Variants in SLC35F3 observed in about 807,000 individuals in gnomAD.
SLC35F3 encodes putative thiamine transporter SLC35F3.
Under a neutral mutation model 49.9 loss-of-function variants are expected in SLC35F3, and 25 were observed. That is an observed-to-expected ratio of 0.50 (90% CI 0.37 to 0.70). The LOEUF (loss-of-function observed/expected upper bound fraction) is 0.70, where lower values mean the gene tolerates loss of function less well. Ranked by LOEUF, SLC35F3 falls within the 30% of genes least tolerant of loss-of-function variation. The probability of loss-of-function intolerance (pLI) is 0.00; values close to 1 mark genes in which losing one functional copy is unlikely to be tolerated. For synonymous variants in SLC35F3, 275 were observed against 265.4 expected, an observed-to-expected ratio of 1.04 and a Z score of -0.35; for missense variants, 525 against 639.8, an observed-to-expected ratio of 0.82 and a Z score of 1.94.
chr1:234,203,302 A>G (rs1399449718), intron 2 of SLC35F3, among the ~76,000 whole-genome samples: 1 of 152,254 alleles, frequency 6.6e-6, no homozygotes, highest in Non-Finnish European at 1.5e-5. Flanking sequence ...AAAAGTGAAA[A>G]GTTTCCTTCT....
At chr1:233,994,232 T>C (rs1663420929) in intron 2 of SLC35F3, among the ~76,000 whole-genome samples, 1 of 152,232 alleles carries the variant, frequency 6.6e-6, no homozygotes, top group Non-Finnish European at 1.5e-5. Context: ...TACTATGGAC[T>C]AGGTAGGATC....
intron 2 of SLC35F3, among the ~76,000 whole-genome samples, chr1:233,931,731 G>A (rs1662245542): frequency 6.6e-6 from 1 of 152,200 alleles, no homozygotes; most frequent in African/African-American, 2.4e-5. Flanking sequence ...GGAAGACAGT[G>A]TGGCAATTCC....
chr1:233,949,404 T>G (rs762744610), intron 2 of SLC35F3, among the ~76,000 whole-genome samples: 38 of 152,240 alleles, frequency 2.5e-4, no homozygotes, highest in Middle Eastern at 3.4e-3. Context: ...TAGTATTCCA[T>G]GAGTGTAATG....
intron 2 of SLC35F3, among the ~76,000 whole-genome samples, chr1:234,060,188 T>G (rs1664519641): frequency 6.6e-6 from 1 of 152,234 alleles, no homozygotes; most frequent in Non-Finnish European, 1.5e-5. Flanking sequence ...TTGTGTGCAC[T>G]TGAGAACAAA....
intron 2 of SLC35F3, among the ~76,000 whole-genome samples, chr1:234,134,825 C>G (rs1665786368): frequency 6.6e-6 from 1 of 152,132 alleles, no homozygotes; most frequent in Non-Finnish European, 1.5e-5. Context: ...AGGTTCACGC[C>G]ATTCTCCTGC....
intron 2 of SLC35F3, among the ~76,000 whole-genome samples, chr1:234,028,882 G>A (rs746958700): frequency 2.0e-5 from 3 of 152,114 alleles, no homozygotes; most frequent in Non-Finnish European, 4.4e-5. Flanking sequence ...GTGATGGTTT[G>A]GACAAGCTGC....
At chr1:234,211,398 C>G (rs939078166) in intron 2 of SLC35F3, among the ~76,000 whole-genome samples, 1 of 152,178 alleles carries the variant, frequency 6.6e-6, no homozygotes, top group Non-Finnish European at 1.5e-5. Context: ...CACTCTGTGC[C>G]TGGAAAAGCC....
chr1:234,241,044 A>G (rs536078900), intron 3 of SLC35F3, among the ~76,000 whole-genome samples: 27 of 152,368 alleles, frequency 1.8e-4, no homozygotes, highest in Admixed American at 7.2e-4. Context: ...TCTAAAGCTT[A>G]AAAGCAAAAA....
chr1:234,228,267 T>A (rs1174484978), intron 2 of SLC35F3, among the ~76,000 whole-genome samples: 2 of 152,200 alleles, frequency 1.3e-5, no homozygotes, highest in African/African-American at 4.8e-5. Context: ...TTTACTTACT[T>A]TTATGTTCTA....
At chr1:233,985,313 T>C (rs770521619) in intron 2 of SLC35F3, among the ~76,000 whole-genome samples, 11 of 152,236 alleles carry the variant, frequency 7.2e-5, no homozygotes, top group Non-Finnish European at 1.6e-4. Context: ...GCAAAACTTG[T>C]CATGTAGCTT....
intron 2 of SLC35F3, among the ~76,000 whole-genome samples, chr1:233,936,345 T>A (rs1446386435): frequency 6.6e-6 from 1 of 152,226 alleles, no homozygotes; most frequent in Non-Finnish European, 1.5e-5. Flanking sequence ...AAACTTTTAC[T>A]GGATAAGTTT....
chr1:234,175,662 CAAA>C (rs35257762), intron 2 of SLC35F3, among the ~76,000 whole-genome samples: 7 of 98,690 alleles, frequency 7.1e-5, no homozygotes, highest in Non-Finnish European at 7.8e-5. Flanking sequence ...GACCCTGTCT[CAAA>C]AAAAAAAAAA....
intron 2 of SLC35F3, among the ~76,000 whole-genome samples, chr1:234,121,650 G>A (rs1665575632): frequency 6.6e-6 from 1 of 151,884 alleles, no homozygotes; most frequent in African/African-American, 2.4e-5. Flanking sequence ...TGCCATGTTG[G>A]TTTGCTGCAC....
intron 2 of SLC35F3, among the ~76,000 whole-genome samples, chr1:234,188,872 C>G (rs1186032100): frequency 6.6e-6 from 1 of 152,176 alleles, no homozygotes; most frequent in East Asian, 1.9e-4. Flanking sequence ...GTTTATATCA[C>G]AGGACTCTAT....
intron 2 of SLC35F3, among the ~76,000 whole-genome samples, chr1:234,173,551 C>T (rs959343666): frequency 1.3e-5 from 2 of 152,152 alleles, no homozygotes; most frequent in African/African-American, 2.4e-5. Flanking sequence ...CCTCTGGGGT[C>T]ACAGGTTGGA....
chr1:234,056,652 C>T (rs962381657), intron 2 of SLC35F3, among the ~76,000 whole-genome samples: 33 of 152,160 alleles, frequency 2.2e-4, no homozygotes, highest in African/African-American at 7.7e-4. Context: ...CTTGACTTGG[C>T]ATAATGTTTT....
Position 234,027,504 on chromosome 1 carries a change from A to T in SLC35F3, c.283+121746A>T, listed in dbSNP as rs1313012240. Among the ~76,000 whole-genome samples, 1 of 152,202 alleles carries T rather than the reference A, an allele frequency of 6.6e-6. No individual in the cohort carries two copies. Among genetic ancestry groups the T allele is most frequent in the African/African-American group, 2.4e-5 (1 of 41,446 alleles). ...AGCGATTAACTTTCAATTTCAGTCC[A>T]TTCGGTAGTGGTTTAAAGAATGGAG... On this transcript the variant is annotated intron_variant, in intron 2 of 7. Coordinates refer to ENST00000366618, the MANE Select transcript of SLC35F3 (RefSeq NM_173508.4). This position sits in a 1 kb window ranked among gnomAD's most constrained non-coding sequence, Gnocchi z 4.1.
chr1:234,076,464 A>ATT lies in SLC35F3; in HGVS notation c.284-154940_284-154939dup, dbSNP rs113403039. Among the ~76,000 whole-genome samples, 535 of 144,754 alleles carry ATT rather than the reference A, an allele frequency of 3.7e-3. 5 individuals are homozygous for ATT. Among genetic ancestry groups the ATT allele is most frequent in the South Asian group, 0.018 (80 of 4,522 alleles). 95.0% of individuals were successfully genotyped at this position (144,754 alleles called of 152,430 possible). A position where few individuals can be genotyped will look rare whatever the true frequency, so the allele number is the denominator to read the frequency against. On this transcript the variant is annotated intron_variant, in intron 2 of 7. Coordinates refer to ENST00000366618, the MANE Select transcript of SLC35F3 (RefSeq NM_173508.4). ...AAAAATAATAATAATCATCATAATAATTTTTTTTTTTTTTGGAGATGGAGT... is the reference window on the plus strand; with the variant it reads ...AAAAATAATAATAATCATCATAATAATTTTTTTTTTTTTTTTGGAGATGGAGT...
In SLC35F3 at chr1:234,137,527, A is replaced by G. The variant is rs201741067; in HGVS notation, c.284-93890A>G. Among the ~76,000 whole-genome samples the G allele has an allele frequency of 7.9e-5, 12 of 152,330 alleles. No individual in the cohort carries two copies. In the East Asian group the frequency reaches 2.1e-3, roughly 27 times the overall value. On this transcript the variant is annotated intron_variant, in intron 2 of 7. Coordinates refer to ENST00000366618, the MANE Select transcript of SLC35F3 (RefSeq NM_173508.4). The stretch of plus-strand genomic sequence containing the variant: ...GGAATGGGAAGTAAAGGACTTAAAG[A>G]GAGCTCATGGAACGCCTCCTCAAGA...
Sources: gnomAD v4.1 joint callset for allele counts (sites outside exome capture counted in the v4.1 genomes callset) on GRCh38, gnomAD v4.1.1 for gene constraint, Gnocchi (gnomAD v3.1) non-coding constraint, MANE v1.5 for transcripts, NCBI Gene and HGNC (gene_info 2026-07-23, HGNC 2026-07-21) for gene names.